The following SLC16A9 variants were observed in gnomAD, a reference collection of about 807,000 sequenced individuals.
SLC16A9 encodes the protein monocarboxylate transporter 9.
SLC16A9 carries 26 observed loss-of-function variants against 44.3 expected under a neutral mutation model. The ratio of observed to expected loss-of-function variants is 0.59; its 90% CI spans 0.43 to 0.81. The LOEUF is 0.81. Ranked by LOEUF, SLC16A9 falls within the 40% of genes least tolerant of loss-of-function variation. SLC16A9 has a pLI of 0.00. For missense variants in SLC16A9, 559 were observed against 595.8 expected, an observed-to-expected ratio of 0.94 and a Z score of 0.64; for synonymous variants, 230 against 225.1, an observed-to-expected ratio of 1.02 and a Z score of -0.19.
At chr10:59,693,271 T>C (rs1427935065) in intron 1 of SLC16A9, among the ~76,000 whole-genome samples, 1 of 152,214 alleles carries the variant, frequency 6.6e-6, no homozygotes, top group Admixed American at 6.5e-5. Context: ...TGTTGATTGA[T>C]GTATTAGCAA....
At chr10:59,693,302 A>T (rs1361772836) in intron 1 of SLC16A9, among the ~76,000 whole-genome samples, 2 of 152,206 alleles carry the variant, frequency 1.3e-5, no homozygotes, top group Non-Finnish European at 2.9e-5. Flanking sequence ...GTTAACACTA[A>T]CGTAAGTCCT....
At chr10:59,699,690 CTTT>C (rs146108230) in intron 1 of SLC16A9, among the ~76,000 whole-genome samples, 1 of 148,144 alleles carries the variant, frequency 6.8e-6, no homozygotes, top group African/African-American at 2.5e-5. Flanking sequence ...AAGTATCACT[CTTT>C]TTTTTTTTAA....
At chr10:59,673,721 G>T (rs1022871914) in intron 2 of SLC16A9, among the ~76,000 whole-genome samples, 1 of 152,178 alleles carries the variant, frequency 6.6e-6, no homozygotes, top group Non-Finnish European at 1.5e-5. Flanking sequence ...CACACTGCTG[G>T]CAGTGTTTAC....
intron 1 of SLC16A9, among the ~76,000 whole-genome samples, chr10:59,689,049 A>C (rs942858564): frequency 9.2e-5 from 14 of 152,148 alleles, no homozygotes; most frequent in Non-Finnish European, 2.9e-5. Context: ...GTAAATATTT[A>C]AGAGAGCAAA....
chr10:59,669,822 A>T (rs1839705314), intron 3 of SLC16A9, among the ~76,000 whole-genome samples: 1 of 152,150 alleles, frequency 6.6e-6, no homozygotes, highest in Non-Finnish European at 1.5e-5. Context: ...TACAGAATAA[A>T]CAAATGGATT....
chr10:59,673,292 T>C (rs1839792797), intron 2 of SLC16A9, among the ~76,000 whole-genome samples: 1 of 152,148 alleles, frequency 6.6e-6, no homozygotes, highest in Non-Finnish European at 1.5e-5. Context: ...GGAATTATAA[T>C]AGTACCCACC....
At chr10:59,670,131 T>C (rs998298614) in intron 3 of SLC16A9, among the ~76,000 whole-genome samples, 2 of 152,232 alleles carry the variant, frequency 1.3e-5, no homozygotes, top group Non-Finnish European at 2.9e-5. Flanking sequence ...TCAATAGAGC[T>C]TCTTCAGTAG....
In SLC16A9 at chr10:59,681,521, ATATGTG is replaced by A. The variant is rs371568460; in HGVS notation, c.196+2569_196+2574del. On this transcript the variant is annotated intron_variant, in intron 2 of 5. Coordinates refer to ENST00000395348, the MANE Select transcript of SLC16A9 (RefSeq NM_194298.3). The stretch of plus-strand genomic sequence containing the variant: ...ATGTATATGTATATGATGTATATGT[ATATGTG>A]TATGTGTATGTGTATGTATATGTAT... Among the ~76,000 whole-genome samples the A allele has an allele frequency of 1.0e-4, 11 of 107,168 alleles. 2 individuals carry two copies. The highest frequency in any genetic ancestry group is 2.4e-4 in the East Asian group (1 of 4,146). 70.3% of individuals were successfully genotyped at this position (107,168 alleles called of 152,430 possible).
intron 1 of SLC16A9, among the ~76,000 whole-genome samples, chr10:59,686,574 T>C (rs1367504712): frequency 6.6e-6 from 1 of 152,192 alleles, no homozygotes; most frequent in Non-Finnish European, 1.5e-5. Context: ...TTGGGGTCAT[T>C]TATTTGTCTT....
intron 4 of SLC16A9, among the ~76,000 whole-genome samples, chr10:59,658,497 G>C (rs1217097759): frequency 6.6e-6 from 1 of 152,220 alleles, no homozygotes; most frequent in Non-Finnish European, 1.5e-5. Flanking sequence ...TAGCTAGTGA[G>C]TGACAGAAGA....
chr10:59,701,043 T>G (rs1840511878), intron 1 of SLC16A9, among the ~76,000 whole-genome samples: 1 of 152,200 alleles, frequency 6.6e-6, no homozygotes, highest in South Asian at 2.1e-4. Flanking sequence ...CCATTTTCCA[T>G]GTCAAGATCT....
chr10:59,696,318 C>T lies in SLC16A9; in HGVS notation c.-36-11991G>A, dbSNP rs1485800394. Among the ~76,000 whole-genome samples the T allele has an allele frequency of 3.3e-5, 5 of 152,342 alleles. No homozygotes were observed. In the East Asian group the frequency reaches 9.7e-4, roughly 29 times the overall value. ...AGGGGGTTTCGCTGTGTTGGCTGGG[C>T]TGGTTTCCAGCTCCTAACCGCGAGT... On this transcript the variant is annotated intron_variant, in intron 1 of 5. Coordinates refer to ENST00000395348, the MANE Select transcript of SLC16A9 (RefSeq NM_194298.3).
intron 4 of SLC16A9, among the ~76,000 whole-genome samples, chr10:59,660,846 A>C (rs1839458418): frequency 6.6e-6 from 1 of 152,250 alleles, no homozygotes; most frequent in African/African-American, 2.4e-5. Flanking sequence ...AGGCTGGTTC[A>C]ACATATGCAA....
At chr10:59,686,875 C>T (rs1171655) in intron 1 of SLC16A9, among the ~76,000 whole-genome samples, 131,839 of 152,216 alleles carry the variant, frequency 0.87, 57,294 homozygotes, top group South Asian at 0.93. Context: ...CTCCACCTTG[C>T]TTTGGTTTCC....
chr10:59,653,622 G>T, intron 5 of SLC16A9, 53 bp downstream of exon 5: 1 of 1,470,260 alleles, frequency 6.8e-7, no homozygotes, highest in Non-Finnish European at 9.3e-7. Context: ...TATATCTGGA[G>T]ATATGACAAG....
At chr10:59,699,953 A>G (rs993196551) in intron 1 of SLC16A9, among the ~76,000 whole-genome samples, 3 of 151,096 alleles carry the variant, frequency 2.0e-5, no homozygotes, top group Non-Finnish European at 4.4e-5. Flanking sequence ...CATTAGTACC[A>G]CATCTCTCCC....
At chr10:59,659,030 G>T (rs1354844003) in intron 4 of SLC16A9, among the ~76,000 whole-genome samples, 2 of 152,136 alleles carry the variant, frequency 1.3e-5, no homozygotes, top group African/African-American at 4.8e-5. Context: ...GCAACTGTAT[G>T]TCCTAAAAAA....
chr10:59,688,983 G>C (rs1406115845), intron 1 of SLC16A9, among the ~76,000 whole-genome samples: 1 of 152,010 alleles, frequency 6.6e-6, no homozygotes, highest in Non-Finnish European at 1.5e-5. Context: ...GCATTGCCAT[G>C]CCCTGCCTTC....
At position 59,662,633 on chromosome 10, in the gene SLC16A9, C is replaced by CAAAAAAAAAAAAAAA. The variant is rs71006278; in HGVS notation, c.436+1579_436+1593dup. On this transcript the variant is annotated intron_variant, in intron 4 of 5. Coordinates refer to ENST00000395348, the MANE Select transcript of SLC16A9 (RefSeq NM_194298.3). Reference sequence around the variant, plus strand: ...TAGGCAAAAGAGCAAAACTCCATCTCAAAAAAAAAAAAAAAAAAAAGAAAA... The same window carrying CAAAAAAAAAAAAAAA: ...TAGGCAAAAGAGCAAAACTCCATCTCAAAAAAAAAAAAAAAAAAAAAAAAAAAAAAAAAAAGAAAA... 6.2e-4 allele frequency among the ~76,000 whole-genome samples: 27 copies of CAAAAAAAAAAAAAAA among 43,592 alleles called. 1 individual carries two copies. The highest frequency in any genetic ancestry group is 1.0e-3 in the South Asian group (1 of 988). The allele number at this position is 43,592 out of a possible 152,430, so 28.6% of individuals were successfully genotyped here.
Sources: allele counts gnomAD v4.1 joint callset (sites outside exome capture counted in the v4.1 genomes callset), GRCh38; gene constraint gnomAD v4.1.1; transcripts MANE v1.5; gene names NCBI Gene and HGNC (gene_info 2026-07-23, HGNC 2026-07-21).